The following GAB1 variants were observed in gnomAD, a reference collection of about 807,000 sequenced individuals.
GAB1 encodes the protein GRB2-associated-binding protein 1.
A neutral mutation model predicts 66.5 loss-of-function variants in GAB1; 19 were observed. The observed-to-expected ratio is 0.29, with a 90% CI of 0.20 to 0.42. The LOEUF is 0.42. Ranked by LOEUF, GAB1 falls within the 10% of genes least tolerant of loss-of-function variation. The pLI is 1.00. For synonymous variants in GAB1, 294 were observed against 301.4 expected (o/e 0.98, Z 0.25); for missense variants, 732 against 858.5 (o/e 0.85, Z 1.84).
At chr4:143,457,595 CTTTTTTTTTT>C (rs144852070) in intron 6 of GAB1, 1 of 284,524 alleles carries the variant, frequency 3.5e-6, no homozygotes, top group Non-Finnish European at 6.1e-6. Flanking sequence ...GGCTCTGTTG[CTTTTTTTTTT>C]TTTTTTTTTT....
chr4:143,355,078 T>C (rs1729389891), intron 1 of GAB1, among the ~76,000 whole-genome samples: 3 of 152,220 alleles, frequency 2.0e-5, no homozygotes, highest in Admixed American at 2.0e-4. Context: ...GAGATTTTTA[T>C]TGAAATACCT....
chr4:143,450,076 G>A (rs753234813), intron 6 of GAB1, among the ~76,000 whole-genome samples: 25 of 152,180 alleles, frequency 1.6e-4, no homozygotes, highest in East Asian at 1.2e-3. Flanking sequence ...CAAGCTTTGC[G>A]TTAGATTTGT....
chr4:143,423,792 G>GTGTATATATA (rs1409168050), intron 2 of GAB1, among the ~76,000 whole-genome samples: 11 of 67,762 alleles, frequency 1.6e-4, no homozygotes, highest in Non-Finnish European at 2.3e-4. Context: ...AAAAAAAAGT[G>GTGTATATATA]TATATATATA....
intron 1 of GAB1, among the ~76,000 whole-genome samples, chr4:143,355,441 C>CAAT (rs1729405755): frequency 6.6e-6 from 1 of 151,818 alleles, no homozygotes; most frequent in South Asian, 2.1e-4. Flanking sequence ...AAAACAACAA[C>CAAT]AACAACAACA....
intron 2 of GAB1, among the ~76,000 whole-genome samples, chr4:143,419,808 G>C (rs1311237703): frequency 6.6e-6 from 1 of 152,076 alleles, no homozygotes; most frequent in Admixed American, 6.5e-5. Flanking sequence ...CTGTGTTGAA[G>C]TATTTGTTGA....
intron 1 of GAB1, chr4:143,349,562 G>T (rs533403240): frequency 1.9e-5 from 29 of 1,501,822 alleles, no homozygotes; most frequent in Non-Finnish European, 2.5e-5. Context: ...GTGCCCCTGG[G>T]TGCAGGGATG....
At chr4:143,412,194 G>C (rs1298284262) in intron 1 of GAB1, among the ~76,000 whole-genome samples, 1 of 152,122 alleles carries the variant, frequency 6.6e-6, no homozygotes, top group African/African-American at 2.4e-5. Flanking sequence ...ACAGTTAGCC[G>C]GAAAACAAAG....
At chr4:143,381,956 A>G (rs1730675518) in intron 1 of GAB1, 1 of 152,198 alleles carries the variant, frequency 6.6e-6, no homozygotes. Flanking sequence ...TTACTTTCCT[A>G]GACTCTAGTC....
intron 1 of GAB1, among the ~76,000 whole-genome samples, chr4:143,407,586 T>C (rs936909266): frequency 2.0e-5 from 3 of 152,218 alleles, no homozygotes; most frequent in Non-Finnish European, 4.4e-5. Flanking sequence ...TTGTTTATAT[T>C]ACTAAGCTAA....
Position 143,382,622 on chromosome 4 carries a change from G to T in GAB1, c.73-32855G>T, listed in dbSNP as rs1017426478. The stretch of plus-strand genomic sequence containing the variant: ...AGGTTCCATCATTCAAAAAGTGAAA[G>T]AGCTTGGTTAGTTGAGGTTATTTTG... On this transcript the variant is annotated intron_variant, in intron 1 of 9. Transcript: ENST00000262994. Among the ~76,000 whole-genome samples, 6 of 152,198 alleles carry T rather than the reference G, an allele frequency of 3.9e-5. No homozygotes were observed. The South Asian group carries it at 1.0e-3, about 26-fold the overall frequency.
intron 8 of GAB1, among the ~76,000 whole-genome samples, chr4:143,464,726 A>T (rs2149796642): frequency 6.6e-6 from 1 of 152,208 alleles, no homozygotes; most frequent in Admixed American, 6.5e-5. Context: ...GAGCTGTCTC[A>T]CCCCAGTGCA....
chr4:143,465,328 T>C (rs1735725170), intron 8 of GAB1, among the ~76,000 whole-genome samples: 1 of 152,218 alleles, frequency 6.6e-6, no homozygotes, highest in Admixed American at 6.5e-5. Flanking sequence ...TCCTACCTTC[T>C]TTCCCTTTTT....
At chr4:143,380,408 C>T (rs1326719170) in intron 1 of GAB1, among the ~76,000 whole-genome samples, 15 of 152,122 alleles carry the variant, frequency 9.9e-5, no homozygotes, top group Admixed American at 8.5e-4. Context: ...TGGTTCATTT[C>T]TTCAATTTTA....
At chr4:143,405,511 T>C (rs1731999398) in intron 1 of GAB1, among the ~76,000 whole-genome samples, 1 of 152,206 alleles carries the variant, frequency 6.6e-6, no homozygotes, top group Non-Finnish European at 1.5e-5. Flanking sequence ...GTTTGTTGTA[T>C]CATCCATTAT....
rs1478330498 is a variant in GAB1, at chr4:143,438,414, A to G, written c.1009A>G (p.Ile337Val). 6.2e-7 allele frequency: 1 copy of G among 1,614,064 alleles called. No individual in the cohort carries two copies. The highest frequency in any genetic ancestry group is 2.2e-5 in the East Asian group (1 of 44,872). ...GGGACAGACATCAAAGCTAGACACT[A>G]TTCCAGATATTCCTCCACCTCGGCC... is the stretch of plus-strand genomic sequence containing the variant. ...TLGQTSKLDTIPDIPPPRPPK... is the reference protein window; with the variant it reads ...TLGQTSKLDTVPDIPPPRPPK... The change falls in exon 4 of 10, where the codon ATT becomes GTT. Residue 337 changes from isoleucine to valine, a missense_variant. Physicochemically the swap from Ile to Val is conservative, Grantham distance 29. Transcript: ENST00000262994.
rs1270932351 is a variant in GAB1 at position 143,470,292 on chromosome 4, T to A, written c.*1103T>A. The A allele has an allele frequency of 6.6e-6, 1 of 152,224 alleles. No homozygotes were observed. Among genetic ancestry groups the A allele is most frequent in the Admixed American group, 6.5e-5 (1 of 15,280 alleles). The allele number at this position is 152,224 out of a possible 1,614,324, so 9.4% of individuals were successfully genotyped here. On this transcript the variant is annotated 3_prime_UTR_variant, in exon 10 of 10. Coordinates refer to ENST00000262994, the MANE Select transcript of GAB1 (RefSeq NM_002039.4). ...TTCCCTATGCAATTAATATTTTATA[T>A]CTGCATTTTTTTAAAAAAAATAGAT...
chr4:143,449,357 G>T (rs1299779305), intron 6 of GAB1, among the ~76,000 whole-genome samples: 3 of 151,742 alleles, frequency 2.0e-5, no homozygotes, highest in Admixed American at 6.6e-5. Context: ...TTAACTTTCT[G>T]TCTCGTTGAT....
intron 1 of GAB1, among the ~76,000 whole-genome samples, chr4:143,414,326 G>A (rs1732565352): frequency 6.6e-6 from 1 of 152,202 alleles, no homozygotes; most frequent in African/African-American, 2.4e-5. Context: ...AAGGCTGTTT[G>A]TCATTTGGTT....
intron 6 of GAB1, among the ~76,000 whole-genome samples, 184 bp from the exon 7 acceptor site, chr4:143,459,201 A>G (rs1297525629): frequency 1.3e-5 from 2 of 152,112 alleles, no homozygotes; most frequent in Non-Finnish European, 2.9e-5. Flanking sequence ...TTTTACCACT[A>G]ATTACTTAGC....
Sources: gnomAD v4.1 joint callset for allele counts (sites outside exome capture counted in the v4.1 genomes callset) on GRCh38, gnomAD v4.1.1 for gene constraint, MANE v1.5 for transcripts, NCBI Gene and HGNC (gene_info 2026-07-23, HGNC 2026-07-21) for gene names.